Variants in PITPNC1 observed in about 807,000 individuals in gnomAD.
The protein encoded by PITPNC1 is phosphatidylinositol transfer protein cytoplasmic 1, also known as cytoplasmic phosphatidylinositol transfer protein 1.
Under a neutral mutation model 44.7 loss-of-function variants are expected in PITPNC1, and 18 were observed. The observed-to-expected ratio is 0.40, with a 90% CI of 0.28 to 0.60. PITPNC1 has a LOEUF of 0.60. Ranked by LOEUF, PITPNC1 falls within the 20% of genes least tolerant of loss-of-function variation. The pLI is 0.39. For missense variants in PITPNC1, 290 were observed against 418.4 expected, an observed-to-expected ratio of 0.69 and a Z score of 2.68; for synonymous variants, 141 against 149.6, an observed-to-expected ratio of 0.94 and a Z score of 0.42.
chr17:67,537,976 AG>A, intron 2 of PITPNC1, among the ~76,000 whole-genome samples: 1 of 151,672 alleles, frequency 6.6e-6, no homozygotes, highest in Non-Finnish European at 1.5e-5. Context: ...CATCTCAAAA[AG>A]AAAAAAAAAA....
rs569379215 is a variant in PITPNC1 at position 67,597,262 on chromosome 17, A to G, written c.366+19005A>G. ...CATAGATGTTCAGTAAATATCAATT[A>G]TCTTCCTCAGGCTGAGCATGGTGGC... On this transcript the variant is annotated intron_variant, in intron 5 of 8. Transcript: ENST00000581322. This position sits in a 1 kb window ranked among gnomAD's most constrained non-coding sequence, Gnocchi z 4.0. Among the ~76,000 whole-genome samples the G allele has an allele frequency of 3.9e-5, 6 of 152,194 alleles. No homozygotes were observed. In the South Asian group the frequency reaches 1.2e-3, roughly 32 times the overall value.
At chr17:67,518,490 G>A (rs536231555) in intron 1 of PITPNC1, among the ~76,000 whole-genome samples, 1 of 137,112 alleles carries the variant, frequency 7.3e-6, no homozygotes, top group East Asian at 1.9e-4. Flanking sequence ...TCTCTACCAG[G>A]GCTGTTTCAG....
At chr17:67,515,783 G>A (rs535412782) in intron 1 of PITPNC1, among the ~76,000 whole-genome samples, 5 of 152,308 alleles carry the variant, frequency 3.3e-5, no homozygotes, top group African/African-American at 1.2e-4. Context: ...TTTCAGGCGA[G>A]GGCTTGGAAT....
chr17:67,692,673 C>CGT lies in PITPNC1; in HGVS notation c.784_785insGT (p.Pro262ArgfsTer55). 2 of 1,613,442 alleles carry CGT rather than the reference C, an allele frequency of 1.2e-6. No individual in the cohort carries two copies. The stretch of plus-strand genomic sequence containing the variant: ...ACCTGCAATTTCTATCTCCAGCATC[C>CGT]CCCTGCTGCCTTCTTCCGTCCGCAG... On this transcript the variant is annotated frameshift_variant, in exon 9 of 9. Transcript: ENST00000581322. LOFTEE classifies it high-confidence loss of function.
chr17:67,577,318 C>A (rs1035342423), intron 4 of PITPNC1, among the ~76,000 whole-genome samples: 2 of 147,588 alleles, frequency 1.4e-5, no homozygotes, highest in East Asian at 4.1e-4. Context: ...GAAGGCCGGG[C>A]GCCTGTAATC....
intron 1 of PITPNC1, among the ~76,000 whole-genome samples, chr17:67,420,086 T>C (rs998654445): frequency 6.6e-6 from 1 of 152,186 alleles, no homozygotes; most frequent in Admixed American, 6.5e-5. Flanking sequence ...TGAGGGGTGG[T>C]AGAAACAAGC....
chr17:67,566,953 C>T (rs1383162123), intron 4 of PITPNC1, among the ~76,000 whole-genome samples: 1 of 152,256 alleles, frequency 6.6e-6, no homozygotes, highest in Non-Finnish European at 1.5e-5. Context: ...ACTGTTGGAC[C>T]TTTCCGTGCC....
intron 1 of PITPNC1, among the ~76,000 whole-genome samples, chr17:67,469,817 TAG>T (rs1350029213): frequency 2.6e-5 from 4 of 152,060 alleles, no homozygotes; most frequent in African/African-American, 9.7e-5. Flanking sequence ...GCCATAGCTA[TAG>T]AGAGGCTCAG....
intron 1 of PITPNC1, among the ~76,000 whole-genome samples, chr17:67,480,982 G>A (rs180712551): frequency 6.6e-6 from 1 of 152,266 alleles, no homozygotes; most frequent in Non-Finnish European, 1.5e-5. Context: ...TGAGGTGGGC[G>A]GAGCACCTGA....
chr17:67,636,405 G>T (rs1482569717), intron 6 of PITPNC1, among the ~76,000 whole-genome samples: 1 of 151,902 alleles, frequency 6.6e-6, no homozygotes, highest in Non-Finnish European at 1.5e-5. Context: ...CAGCTTTGAC[G>T]CTCAGGGCCA....
chr17:67,558,641 G>A (rs757983316), intron 4 of PITPNC1, among the ~76,000 whole-genome samples: 16 of 152,030 alleles, frequency 1.1e-4, no homozygotes, highest in Non-Finnish European at 1.8e-4. Context: ...TATATTTTGC[G>A]ACCGTGATCA....
chr17:67,449,145 C>T (rs1209561797), intron 1 of PITPNC1, among the ~76,000 whole-genome samples: 1 of 152,204 alleles, frequency 6.6e-6, no homozygotes, highest in Non-Finnish European at 1.5e-5. Flanking sequence ...TTCTTTTTCC[C>T]TGTCACTTGA....
chr17:67,418,684 C>T (rs2143860318), intron 1 of PITPNC1, among the ~76,000 whole-genome samples: 1 of 152,162 alleles, frequency 6.6e-6, no homozygotes, highest in South Asian at 2.1e-4. Flanking sequence ...CCTCAGCCTC[C>T]CGAGTAGCTG....
chr17:67,463,864 A>C (rs767854765), intron 1 of PITPNC1, among the ~76,000 whole-genome samples: 5 of 151,838 alleles, frequency 3.3e-5, no homozygotes, highest in Admixed American at 1.3e-4. Context: ...ACTGCACTCC[A>C]GTGTGAGTGA....
chr17:67,599,197 T>C (rs1235396688), intron 5 of PITPNC1, among the ~76,000 whole-genome samples: 1 of 151,484 alleles, frequency 6.6e-6, no homozygotes, highest in Non-Finnish European at 1.5e-5. Context: ...ACCCAGTTTA[T>C]GGCATTTTTT....
intron 1 of PITPNC1, among the ~76,000 whole-genome samples, chr17:67,528,081 G>C (rs2040413273): frequency 6.6e-6 from 1 of 152,096 alleles, no homozygotes. Flanking sequence ...TCCCTCTGTA[G>C]CCCAGGCTGG....
rs2144494251 is a variant in PITPNC1 at position 67,696,713 on chromosome 17, A to G, written c.*3825A>G. On this transcript the variant is annotated 3_prime_UTR_variant, in exon 9 of 9. Coordinates refer to ENST00000581322, the MANE Select transcript of PITPNC1 (RefSeq NM_012417.4). ...AAAACATTGGGTTCTTTTGTGTTCT[A>G]CCTTCAAAACAATCTGTTTGCATTT... The G allele has an allele frequency of 6.6e-6, 1 of 152,362 alleles. No homozygotes were observed. The highest frequency in any genetic ancestry group is 1.9e-4 in the East Asian group (1 of 5,192). The allele number at this position is 152,362 out of a possible 1,614,324, so 9.4% of individuals were successfully genotyped here. A position where few individuals can be genotyped will look rare whatever the true frequency, so the allele number is the denominator to read the frequency against.
intron 1 of PITPNC1, among the ~76,000 whole-genome samples, chr17:67,494,325 G>A (rs1478408100): frequency 2.0e-5 from 3 of 151,274 alleles, no homozygotes; most frequent in Non-Finnish European, 2.9e-5. Flanking sequence ...TCAGCCTCCC[G>A]AGTACCTGTG....
intron 6 of PITPNC1, among the ~76,000 whole-genome samples, chr17:67,654,701 T>C (rs2042244517): frequency 6.6e-6 from 1 of 152,156 alleles, no homozygotes; most frequent in South Asian, 2.1e-4. Context: ...GGTGCAATCT[T>C]GGCTCACTGC....
Sources: allele counts gnomAD v4.1 joint callset (sites outside exome capture counted in the v4.1 genomes callset), GRCh38; gene constraint gnomAD v4.1.1; non-coding constraint Gnocchi (gnomAD v3.1); transcripts MANE v1.5; gene names NCBI Gene and HGNC (gene_info 2026-07-23, HGNC 2026-07-21).